Variants in NEK4 observed in about 807,000 individuals in gnomAD.
NEK4 encodes NIMA related kinase 4.
Under a neutral mutation model 98.4 loss-of-function variants are expected in NEK4, and 86 were observed. That is an observed-to-expected ratio of 0.87 (90% confidence interval 0.73 to 1.05). The LOEUF is 1.05. Among genes scored for constraint, NEK4 ranks in the 50% least tolerant of loss-of-function variants. The pLI, the probability that NEK4 is intolerant of heterozygous loss-of-function variation, is 0.00. For synonymous variants in NEK4, 328 were observed against 342.2 expected (o/e 0.96, Z 0.46); for missense variants, 898 against 950.3 (o/e 0.94, Z 0.72).
Position 52,760,902 on chromosome 3 carries a change from A to G in NEK4, c.856T>C (p.Ser286Pro). The G allele has an allele frequency of 6.3e-7, 1 of 1,592,588 alleles. No homozygotes were observed. Among genetic ancestry groups the G allele is most frequent in the South Asian group, 1.1e-5 (1 of 88,396 alleles). The change falls in exon 6 of 16, where the codon TCT becomes CCT. Residue 286 changes from serine (S) to proline (P), a missense_variant. Physicochemically the swap from Ser to Pro is moderately conservative, Grantham distance 74. Coordinates refer to ENST00000233027, the MANE Select transcript of NEK4 (RefSeq NM_003157.6). ...TSKNNIKNGD[S>P]QSKPFATVVS... Reference sequence around the variant, plus strand: ...ACTGTAGCAAAAGGCTTGGATTGAGAGTCACCATTTTTAATGTTATTTTTG... The same window carrying G: ...ACTGTAGCAAAAGGCTTGGATTGAGGGTCACCATTTTTAATGTTATTTTTG...
chr3:52,743,486 GTTGT>G (rs759209468), intron 11 of NEK4, 25 bp from the exon 12 acceptor site: 1 of 1,573,446 alleles, frequency 6.4e-7, no homozygotes, highest in Non-Finnish European at 8.7e-7. Context: ...ATCCCCAGTA[GTTGT>G]TTGTGGTGGG....
Position 52,713,686 on chromosome 3 carries a change from C to G in NEK4, c.2434-1817G>C, listed in dbSNP as rs567229128. On this transcript the variant is annotated intron_variant, in intron 15 of 15. Coordinates refer to ENST00000233027, the MANE Select transcript of NEK4 (RefSeq NM_003157.6). ...GCGCATGCCTGTAATCCCAGCTACT[C>G]AGGAGGCTGAGGCGGAAGAATCGCT... Among the ~76,000 whole-genome samples the G allele has an allele frequency of 7.1e-4, 107 of 151,588 alleles. 1 individual carries two copies. Among genetic ancestry groups the G allele is most frequent in the Middle Eastern group, 3.4e-3 (1 of 292 alleles).
At chr3:52,757,622 A>G (rs1698168081) in intron 6 of NEK4, among the ~76,000 whole-genome samples, 2 of 152,170 alleles carry the variant, frequency 1.3e-5, no homozygotes, top group Non-Finnish European at 2.9e-5. Flanking sequence ...TCATGTTCAT[A>G]GCAGCGTTAT....
At chr3:52,728,312 G>T (rs1205188560) in intron 15 of NEK4, among the ~76,000 whole-genome samples, 1 of 152,212 alleles carries the variant, frequency 6.6e-6, no homozygotes, top group Non-Finnish European at 1.5e-5. Context: ...AGAGGTAGAG[G>T]TTACAGAGAG....
In NEK4 at chr3:52,737,620, T is replaced by C. The variant is rs938022483; in HGVS notation, c.2399A>G (p.Asp800Gly). The change falls in exon 15 of 16, where the codon GAT (aspartate) becomes GGT (glycine). Residue 800 changes from aspartate (D) to glycine (G), a missense_variant. Asp to Gly is a moderately conservative substitution (Grantham distance 94). Coordinates refer to ENST00000233027, the MANE Select transcript of NEK4 (RefSeq NM_003157.6). ...AAATTCATCCTCCTCCTCCAAAAGA[T>C]CATACACCTGCTCTAAAAGCTGAAC... is the stretch of plus-strand genomic sequence containing the variant. ...LGVQLLEQVY[D>G]LLEEEDEFDR... 2 of 1,613,744 alleles carry C rather than the reference T, an allele frequency of 1.2e-6. No homozygotes were observed. Among genetic ancestry groups the C allele is most frequent in the African/African-American group, 2.7e-5 (2 of 74,882 alleles).
At chr3:52,763,342 G>A (rs1698427539) in intron 5 of NEK4, 128 bp downstream of exon 5, 3 of 995,238 alleles carry the variant, frequency 3.0e-6, no homozygotes, top group Non-Finnish European at 4.4e-6. Context: ...CTCTACATAT[G>A]TAATCATGCC....
intron 14 of NEK4, among the ~76,000 whole-genome samples, chr3:52,738,541 C>T (rs982605803): frequency 1.3e-5 from 2 of 151,944 alleles, no homozygotes; most frequent in Non-Finnish European, 2.9e-5. Flanking sequence ...GCCTCAACCT[C>T]CTGGGTTCAA....
intron 15 of NEK4, among the ~76,000 whole-genome samples, chr3:52,715,187 A>G (rs2097354031): frequency 6.6e-6 from 1 of 152,230 alleles, no homozygotes. Context: ...CCATGGACAA[A>G]TCAGCAGGTA....
chr3:52,727,897 G>A (rs2097366029), intron 15 of NEK4, among the ~76,000 whole-genome samples: 1 of 152,204 alleles, frequency 6.6e-6, no homozygotes, highest in African/African-American at 2.4e-5. Flanking sequence ...CAAAAGCAGT[G>A]CTAAGGGGGG....
rs529984671 is a variant in NEK4, at chr3:52,739,451, G to C, written c.2277C>G (p.Ile759Met). Residue 759 changes from isoleucine to methionine, a missense_variant, in exon 14 of 16, where the codon ATC (isoleucine) becomes ATG (methionine). Ile to Met is a conservative substitution (Grantham distance 10). Coordinates refer to ENST00000233027, the MANE Select transcript of NEK4 (RefSeq NM_003157.6). Reference sequence around the variant, plus strand: ...CACCTGAAGGTAGCTCTTTAAAATGGATTTCCTCTGCCTCTTCTGCAACCT... The same window carrying C: ...CACCTGAAGGTAGCTCTTTAAAATGCATTTCCTCTGCCTCTTCTGCAACCT... ...HGKVAEEAEE[I>M]HFKELPSAIM... 1 of 1,614,024 alleles carries C rather than the reference G, an allele frequency of 6.2e-7. No individual in the cohort carries two copies. The highest frequency in any genetic ancestry group is 8.5e-7 in the Non-Finnish European group (1 of 1,179,912).
intron 15 of NEK4, among the ~76,000 whole-genome samples, chr3:52,720,608 G>A (rs2097359234): frequency 6.6e-6 from 1 of 152,224 alleles, no homozygotes; most frequent in Non-Finnish European, 1.5e-5. Context: ...CTAGAAGGCA[G>A]AAGGATAACA....
At chr3:52,727,863 T>TAA (rs1304490273) in intron 15 of NEK4, among the ~76,000 whole-genome samples, 4 of 152,018 alleles carry the variant, frequency 2.6e-5, no homozygotes, top group Non-Finnish European at 5.9e-5. Flanking sequence ...TAAAAAACAA[T>TAA]ATACTGAAAC....
At chr3:52,734,523 A>C (rs541206249) in intron 15 of NEK4, among the ~76,000 whole-genome samples, 59 of 151,888 alleles carry the variant, frequency 3.9e-4, no homozygotes, top group Middle Eastern at 3.4e-3. Flanking sequence ...AAATACAAAA[A>C]TTAGCCATGT....
intron 14 of NEK4, 135 bp downstream of exon 14, chr3:52,739,294 G>C (rs2097381615): frequency 1.5e-6 from 1 of 687,852 alleles, no homozygotes; most frequent in African/African-American, 1.8e-5. Flanking sequence ...AGCTACTTGG[G>C]AGGCTGAAGC....
At chr3:52,727,016 C>T (rs2097365249) in intron 15 of NEK4, among the ~76,000 whole-genome samples, 1 of 150,032 alleles carries the variant, frequency 6.7e-6, no homozygotes, top group African/African-American at 2.5e-5. Flanking sequence ...CTCTTGTTGC[C>T]CAGGCTAGAA....
In NEK4 at chr3:52,708,700, A is replaced by C. The variant is rs539337636; in HGVS notation, c.*3077T>G. The C allele has an allele frequency of 1.3e-5, 2 of 152,300 alleles. No homozygotes were observed. The highest frequency in any genetic ancestry group is 4.1e-4 in the South Asian group (2 of 4,834). 9.4% of individuals were successfully genotyped at this position (152,300 alleles called of 1,614,324 possible). A position where few individuals can be genotyped will look rare whatever the true frequency, so the allele number is the denominator to read the frequency against. On this transcript the variant is annotated 3_prime_UTR_variant, in exon 16 of 16. Coordinates refer to ENST00000233027, the MANE Select transcript of NEK4 (RefSeq NM_003157.6). ...TGTATTTAACATTTCACCTTTATTG[A>C]ATGCCTATAAGGCCATTTGAATAAC... is the stretch of plus-strand genomic sequence containing the variant.
chr3:52,727,660 A>G (rs1341107619), intron 15 of NEK4, among the ~76,000 whole-genome samples: 2 of 152,106 alleles, frequency 1.3e-5, no homozygotes, highest in African/African-American at 4.8e-5. Flanking sequence ...TTTAGTAGAG[A>G]CAGGGTTTCA....
intron 5 of NEK4, 86 bp from the exon 6 acceptor site, chr3:52,761,022 T>C (rs1413215098): frequency 6.0e-6 from 5 of 836,218 alleles, no homozygotes; most frequent in South Asian, 3.7e-5. Flanking sequence ...GTGTATACAA[T>C]GAATTCCCTT....
Position 52,712,925 on chromosome 3 carries a change from G to A in NEK4, c.2434-1056C>T, listed in dbSNP as rs552213590. Reference sequence around the variant, plus strand: ...TCCGGGGTTTTTATAGGCACAGGATGGGGGAGTGGCAGGCCAGGGTGGTCT... The same window carrying A: ...TCCGGGGTTTTTATAGGCACAGGATAGGGGAGTGGCAGGCCAGGGTGGTCT... On this transcript the variant is annotated intron_variant, in intron 15 of 15. Coordinates refer to ENST00000233027, the MANE Select transcript of NEK4 (RefSeq NM_003157.6). 5.3e-5 allele frequency among the ~76,000 whole-genome samples: 8 copies of A among 152,280 alleles called. No individual in the cohort carries two copies. The South Asian group carries it at 1.2e-3, about 24-fold the overall frequency.
Sources: allele counts gnomAD v4.1 joint callset (sites outside exome capture counted in the v4.1 genomes callset), GRCh38; gene constraint gnomAD v4.1.1; transcripts MANE v1.5; gene names NCBI Gene and HGNC (gene_info 2026-07-23, HGNC 2026-07-21).